The following MTAP variants were observed in gnomAD, a reference collection of about 807,000 sequenced individuals.
The protein encoded by MTAP is S-methyl-5'-thioadenosine phosphorylase.
MTAP carries 33 observed loss-of-function variants against 33.6 expected under a neutral mutation model. That is an observed-to-expected ratio of 0.98 (90% CI 0.74 to 1.31). MTAP has a LOEUF of 1.31. MTAP is among the 40% of genes most tolerant of loss of function. MTAP has a pLI of 0.00. For missense variants in MTAP, 367 were observed against 360.0 expected, an observed-to-expected ratio of 1.02 and a Z score of -0.16; for synonymous variants, 148 against 125.7, an observed-to-expected ratio of 1.18 and a Z score of -1.19.
At position 21,831,783 on chromosome 9, in the gene MTAP, T is replaced by G. The variant is rs562789107; in HGVS notation, c.348-6125T>G. ...TTTATCAGGAATGTTTTGCAGATAT[T>G]GATTTTTTTTTTTTTTACAATGAGA... On this transcript the variant is annotated intron_variant, in intron 4 of 7. Transcript: ENST00000644715. Among the ~76,000 whole-genome samples the G allele has an allele frequency of 3.2e-4, 42 of 132,890 alleles. 2 individuals carry two copies. The South Asian group carries it at 9.4e-3, about 30-fold the overall frequency. The allele number at this position is 132,890 out of a possible 152,430, so 87.2% of individuals were successfully genotyped here.
At chr9:21,927,667 A>G (rs73442452) in intron 1 of MTAP, among the ~76,000 whole-genome samples, 4 of 152,326 alleles carry the variant, frequency 2.6e-5, no homozygotes, top group African/African-American at 4.8e-5. Flanking sequence ...AGGGTATGCT[A>G]TATGTCCCTT....
chr9:21,818,970 CTTAG>C (rs774722265), intron 4 of MTAP, among the ~76,000 whole-genome samples: 1 of 152,084 alleles, frequency 6.6e-6, no homozygotes, highest in African/African-American at 2.4e-5. Flanking sequence ...ATGAGTTTGA[CTTAG>C]TTAGATTCCA....
rs546048937 is a variant in MTAP at position 21,896,535 on chromosome 9, TAA to T, written c.148-34468_148-34467del. ...AGAGAGAAGATTCAATTAGATGCAATAAAAAATGATAAAGGGGATATCACCAT... is the reference window on the plus strand; with the variant it reads ...AGAGAGAAGATTCAATTAGATGCAATAAAATGATAAAGGGGATATCACCAT... On this transcript the variant is annotated intron_variant, in intron 1 of 1. Coordinates refer to the MTAP transcript ENST00000577563. Among the ~76,000 whole-genome samples the T allele has an allele frequency of 3.0e-4, 46 of 151,982 alleles. 1 individual carries two copies. The highest frequency in any genetic ancestry group is 9.2e-4 in the African/African-American group (38 of 41,456).
At chr9:21,849,094 C>CAG (rs35615669) in intron 5 of MTAP, among the ~76,000 whole-genome samples, 78,686 of 151,692 alleles carry the variant, frequency 0.52, 21,852 homozygotes, top group East Asian at 0.75. Context: ...ATTATAAAAA[C>CAG]AGACTCACAG....
intron 5 of MTAP, among the ~76,000 whole-genome samples, chr9:21,842,727 T>G (rs2118378771): frequency 6.6e-6 from 1 of 152,274 alleles, no homozygotes; most frequent in South Asian, 2.1e-4. Context: ...TTGCCACTAT[T>G]GAGCCAACAC....
intron 5 of MTAP, among the ~76,000 whole-genome samples, chr9:21,840,793 G>T (rs2118357053): frequency 6.6e-6 from 1 of 152,290 alleles, no homozygotes; most frequent in African/African-American, 2.4e-5. Flanking sequence ...AGATACAAGT[G>T]AGTACAGGAG....
intron 1 of MTAP, among the ~76,000 whole-genome samples, chr9:21,891,974 A>G (rs1373973318): frequency 6.6e-6 from 1 of 152,234 alleles, no homozygotes. Context: ...CCTATATTCA[A>G]CATTCTTAAA....
At chr9:21,845,455 C>G (rs972606300) in intron 5 of MTAP, among the ~76,000 whole-genome samples, 1 of 152,050 alleles carries the variant, frequency 6.6e-6, no homozygotes, top group African/African-American at 2.4e-5. Context: ...AGTAAAATGC[C>G]TAACCAAGGA....
chr9:21,804,528 G>C (rs1174715279), intron 1 of MTAP, among the ~76,000 whole-genome samples: 1 of 152,144 alleles, frequency 6.6e-6, no homozygotes, highest in East Asian at 1.9e-4. Context: ...GGTACATATG[G>C]TGCTAGGACT....
intron 1 of MTAP, among the ~76,000 whole-genome samples, chr9:21,917,981 A>G (rs1000165706): frequency 1.3e-5 from 2 of 152,232 alleles, no homozygotes; most frequent in African/African-American, 2.4e-5. Flanking sequence ...TAAGTGAAGT[A>G]ACTCAGGAAT....
intron 1 of MTAP, among the ~76,000 whole-genome samples, chr9:21,897,876 A>C (rs1818323516): frequency 6.6e-6 from 1 of 152,164 alleles, no homozygotes; most frequent in African/African-American, 2.4e-5. Flanking sequence ...AATTGGAAAA[A>C]ACTACTTTAA....
Position 21,802,676 on chromosome 9 carries a change from C to T in MTAP, c.-73C>T. 14 of 1,580,488 alleles carry T rather than the reference C, an allele frequency of 8.9e-6. No homozygotes were observed. The highest frequency in any genetic ancestry group is 1.0e-5 in the Non-Finnish European group (12 of 1,155,204). ...TCCCGCGCAGTGAGGTTGGCACAGC[C>T]ACCGCTCTGTGGCTCGCTTGGTTCC... On this transcript the variant is annotated 5_prime_UTR_variant, in exon 1 of 8. Transcript: ENST00000644715.
At chr9:21,820,517 A>G (rs1280039946) in intron 4 of MTAP, among the ~76,000 whole-genome samples, 1 of 152,210 alleles carries the variant, frequency 6.6e-6, no homozygotes. Context: ...TTTTGGTACC[A>G]GTACCACGCT....
chr9:21,802,733 C>T lies in MTAP; in HGVS notation c.-16C>T, dbSNP rs1587186257. On this transcript the variant is annotated 5_prime_UTR_variant, in exon 1 of 8. Coordinates refer to ENST00000644715, the MANE Select transcript of MTAP (RefSeq NM_002451.4). Reference sequence around the variant, plus strand: ...CCCGAGCGCTCGCCCACTGCAGATTCCTTTCCCGTGCAGACATGGCCTCTG... The same window carrying T: ...CCCGAGCGCTCGCCCACTGCAGATTTCTTTCCCGTGCAGACATGGCCTCTG... 1 of 1,612,906 alleles carries T rather than the reference C, an allele frequency of 6.2e-7. No individual in the cohort carries two copies. The highest frequency in any genetic ancestry group is 8.5e-7 in the Non-Finnish European group (1 of 1,179,830).
rs1266926522 is a variant in MTAP at position 21,856,414 on chromosome 9, C to T, written c.690+1544C>T. On this transcript the variant is annotated intron_variant, in intron 6 of 7. Coordinates refer to ENST00000644715, the MANE Select transcript of MTAP (RefSeq NM_002451.4). ...TAGGATGCCTTTTATGTAAGAGATT[C>T]GCAAATTATTACATTAAGTCACAAC... Among the ~76,000 whole-genome samples, 7 of 152,258 alleles carry T rather than the reference C, an allele frequency of 4.6e-5. No individual in the cohort carries two copies. In the South Asian group the frequency reaches 8.3e-4, roughly 18 times the overall value.
intron 1 of MTAP, among the ~76,000 whole-genome samples, chr9:21,897,675 G>C (rs1324301069): frequency 1.3e-5 from 2 of 152,132 alleles, no homozygotes; most frequent in African/African-American, 4.8e-5. Flanking sequence ...AGCTTACAAG[G>C]GATGTGAAGG....
At chr9:21,850,407 A>G (rs1420876915) in intron 5 of MTAP, among the ~76,000 whole-genome samples, 1 of 152,208 alleles carries the variant, frequency 6.6e-6, no homozygotes, top group Non-Finnish European at 1.5e-5. Context: ...TGGCCCATCT[A>G]TTGAGTGACC....
chr9:21,858,774 G>A (rs1825691099), intron 6 of MTAP: 2 of 152,268 alleles, frequency 1.3e-5, no homozygotes, highest in Admixed American at 1.3e-4. Flanking sequence ...TAGGACCTCC[G>A]TGCTAGGACT....
At chr9:21,907,256 T>C (rs1818491061) in intron 1 of MTAP, among the ~76,000 whole-genome samples, 1 of 152,202 alleles carries the variant, frequency 6.6e-6, no homozygotes, top group Non-Finnish European at 1.5e-5. Flanking sequence ...TTAAATAGTT[T>C]GTATATAAGG....
Sources: allele counts gnomAD v4.1 joint callset (sites outside exome capture counted in the v4.1 genomes callset), GRCh38; gene constraint gnomAD v4.1.1; transcripts MANE v1.5; gene names NCBI Gene and HGNC (gene_info 2026-07-23, HGNC 2026-07-21).